PCSK6: variants seen among roughly 807,000 people sequenced by gnomAD.
The protein encoded by PCSK6 is proprotein convertase subtilisin/kexin type 6, also known as paired basic amino acid cleaving enzyme 4.
PCSK6 carries 85 observed loss-of-function variants against 123.3 expected under a neutral mutation model. The observed-to-expected ratio is 0.69, with a 90% confidence interval of 0.58 to 0.83. PCSK6 has a LOEUF of 0.83. Among genes scored for constraint, PCSK6 ranks in the 40% least tolerant of loss-of-function variants. The probability of loss-of-function intolerance (pLI) is 0.00; values close to 1 mark genes in which losing one functional copy is unlikely to be tolerated. For missense variants in PCSK6, 1,191 were observed against 1,282.3 expected, an observed-to-expected ratio of 0.93 and a Z score of 1.09; for synonymous variants, 508 against 516.0, an observed-to-expected ratio of 0.98 and a Z score of 0.21.
chr15:101,386,589 G>A (rs191812108), intron 9 of PCSK6, among the ~76,000 whole-genome samples: 16 of 152,286 alleles, frequency 1.1e-4, no homozygotes, highest in South Asian at 2.1e-4. Context: ...CCAGGTCTTC[G>A]TGTAAGTGGA....
At chr15:101,352,566 C>A (rs2040922378) in intron 13 of PCSK6, among the ~76,000 whole-genome samples, 1 of 152,168 alleles carries the variant, frequency 6.6e-6, no homozygotes, top group Non-Finnish European at 1.5e-5. Context: ...CTTTTCCCAC[C>A]AGTTTAAAAC....
intron 2 of PCSK6, among the ~76,000 whole-genome samples, chr15:101,439,483 G>A (rs2056697863): frequency 6.6e-6 from 1 of 152,240 alleles, no homozygotes; most frequent in South Asian, 2.1e-4. Context: ...TCATGGGGGA[G>A]CAGTCCACCG....
intron 13 of PCSK6, among the ~76,000 whole-genome samples, chr15:101,353,595 G>A (rs1200298971): frequency 6.6e-6 from 1 of 152,202 alleles, no homozygotes; most frequent in Non-Finnish European, 1.5e-5. Context: ...CTGGCACCCA[G>A]CAGAGGCTCC....
At position 101,331,693 on chromosome 15, in the gene PCSK6, T is replaced by C; in HGVS notation, c.2039-4A>G. The stretch of plus-strand genomic sequence containing the variant: ...GCAGAGCCTGGGGTGGATTGAGCTG[T>C]GTGAGTGCAAATTGCCATGATTATT... On this transcript the variant is annotated splice_region_variant and splice_polypyrimidine_tract_variant and intron_variant, in intron 14 of 21. Coordinates refer to ENST00000611716, the MANE Select transcript of PCSK6 (RefSeq NM_002570.5). 1 of 1,613,142 alleles carries C rather than the reference T, an allele frequency of 6.2e-7. No homozygotes were observed. The highest frequency in any genetic ancestry group is 8.5e-7 in the Non-Finnish European group (1 of 1,179,574).
rs532525410 is a variant in PCSK6 at position 101,468,625 on chromosome 15, A to T, written c.297+20749T>A. ...GAATTGTATGGCTCCTCCAAAATCC[A>T]ATAAAGAACCATCCCAGGCAAAATG... On this transcript the variant is annotated intron_variant, in intron 1 of 21. Transcript: ENST00000611716. Among the ~76,000 whole-genome samples the T allele has an allele frequency of 5.9e-5, 9 of 152,314 alleles. No homozygotes were observed. The South Asian group carries it at 1.9e-3, about 32-fold the overall frequency.
chr15:101,423,814 A>G (rs1198674967), intron 6 of PCSK6, among the ~76,000 whole-genome samples: 1 of 152,348 alleles, frequency 6.6e-6, no homozygotes, highest in Non-Finnish European at 1.5e-5. Context: ...TTTAAAAAGA[A>G]TAACCCACTA....
At chr15:101,321,665 G>A (rs1156419667) in intron 18 of PCSK6, among the ~76,000 whole-genome samples, 2 of 152,264 alleles carry the variant, frequency 1.3e-5, no homozygotes, top group Non-Finnish European at 2.9e-5. Context: ...GGCTGGGGGT[G>A]TGTTGCAGCC....
chr15:101,481,188 C>G (rs1258919316), intron 1 of PCSK6, among the ~76,000 whole-genome samples: 1 of 152,206 alleles, frequency 6.6e-6, no homozygotes, highest in Admixed American at 6.5e-5. Context: ...GGCAAGCCAG[C>G]AGGCAACGTC....
intron 1 of PCSK6, among the ~76,000 whole-genome samples, chr15:101,465,429 T>G (rs538696267): frequency 6.6e-5 from 10 of 152,334 alleles, no homozygotes; most frequent in African/African-American, 2.4e-4. Context: ...CCAGTGCAGC[T>G]CAGCCCCTCC....
intron 1 of PCSK6, among the ~76,000 whole-genome samples, chr15:101,451,139 G>A (rs2057023859): frequency 1.3e-5 from 2 of 152,016 alleles, no homozygotes; most frequent in Admixed American, 6.5e-5. Context: ...CTCAGTGGGC[G>A]CTGCCAGCTC....
chr15:101,460,928 T>C (rs1290686941), intron 1 of PCSK6, among the ~76,000 whole-genome samples: 1 of 152,092 alleles, frequency 6.6e-6, no homozygotes. Context: ...CCTGAGGTGT[T>C]CGTGGTAAGA....
intron 15 of PCSK6, 55 bp downstream of exon 15, chr15:101,331,596 C>A: frequency 1.3e-6 from 2 of 1,555,626 alleles, no homozygotes. Context: ...CATATAGACC[C>A]TGCTCTCCCA....
chr15:101,382,332 G>A (rs2141507192), intron 10 of PCSK6, 123 bp from the exon 11 acceptor site: 3 of 738,618 alleles, frequency 4.1e-6, no homozygotes, highest in East Asian at 2.7e-5. Flanking sequence ...AGGTCTCCTG[G>A]GGGCCCCAGG....
chr15:101,365,328 T>C (rs11247287), intron 13 of PCSK6, among the ~76,000 whole-genome samples: 51,874 of 152,018 alleles, frequency 0.34, 9,247 homozygotes, highest in Admixed American at 0.45. Flanking sequence ...TCAAGGTGCA[T>C]CATCAGGCAA....
At chr15:101,470,833 G>A (rs2057586017) in intron 1 of PCSK6, among the ~76,000 whole-genome samples, 1 of 152,194 alleles carries the variant, frequency 6.6e-6, no homozygotes, top group Non-Finnish European at 1.5e-5. Context: ...TGTCCGTTAG[G>A]ACTCTGTAGG....
At chr15:101,318,861 C>G (rs748418711) in intron 18 of PCSK6, among the ~76,000 whole-genome samples, 6 of 152,370 alleles carry the variant, frequency 3.9e-5, no homozygotes, top group Non-Finnish European at 7.3e-5. Flanking sequence ...AACCCCAACC[C>G]GCTCTTGCCT....
At chr15:101,414,946 A>T (rs964148231) in intron 6 of PCSK6, among the ~76,000 whole-genome samples, 2 of 152,326 alleles carry the variant, frequency 1.3e-5, no homozygotes, top group Admixed American at 1.3e-4. Flanking sequence ...AATATATGAG[A>T]AGAAGGATGA....
intron 1 of PCSK6, among the ~76,000 whole-genome samples, chr15:101,480,452 G>A (rs1032633239): frequency 1.3e-5 from 2 of 152,250 alleles, no homozygotes; most frequent in African/African-American, 4.8e-5. Context: ...TTGACACTGA[G>A]GGCATTGATG....
At chr15:101,345,713 G>A (rs1346925521) in intron 13 of PCSK6, among the ~76,000 whole-genome samples, 1 of 152,226 alleles carries the variant, frequency 6.6e-6, no homozygotes, top group African/African-American at 2.4e-5. Context: ...TGTCATCCAG[G>A]CTGGAGTGAG....
Sources: allele counts gnomAD v4.1 joint callset (sites outside exome capture counted in the v4.1 genomes callset), GRCh38; gene constraint gnomAD v4.1.1; transcripts MANE v1.5; gene names NCBI Gene and HGNC (gene_info 2026-07-23, HGNC 2026-07-21).